STXBP6: variants seen among roughly 807,000 people sequenced by gnomAD.
STXBP6 encodes the protein syntaxin binding protein 6.
STXBP6 carries 21 observed loss-of-function variants against 26.9 expected under a neutral mutation model. The ratio of observed to expected loss-of-function variants is 0.78; its 90% CI spans 0.55 to 1.12. The LOEUF is 1.12. Ranked by LOEUF, STXBP6 falls within the 50% of genes most tolerant of loss-of-function variation. The pLI is 0.00. For synonymous variants in STXBP6, 97 were observed against 92.6 expected, an observed-to-expected ratio of 1.05 and a Z score of -0.27; for missense variants, 232 against 257.9, an observed-to-expected ratio of 0.90 and a Z score of 0.69.
At chr14:24,932,146 T>G (rs185277593) in intron 2 of STXBP6, among the ~76,000 whole-genome samples, 41 of 152,270 alleles carry the variant, frequency 2.7e-4, no homozygotes, top group South Asian at 2.1e-4. Flanking sequence ...CGGTGGCTCA[T>G]GCCTGTAATC....
chr14:25,049,879 G>A lies in STXBP6; in HGVS notation c.-34C>T. ...TGGCTCCCCTCGCCCCGGTCCTACC[G>A]TGCAGCCTGGCTCGCGCCCCTGCCG... On this transcript the variant is annotated splice_region_variant and 5_prime_UTR_variant, in exon 1 of 6. In the 5' UTR this introduces an upstream ATG that the reference lacks. Transcript: ENST00000323944. This position sits in a 1 kb window ranked among gnomAD's most constrained non-coding sequence, Gnocchi z 5.6. The A allele has an allele frequency of 1.0e-6, 1 of 985,298 alleles. No homozygotes were observed. The allele number at this position is 985,298 out of a possible 1,614,324, so 61.0% of individuals were successfully genotyped here.
At chr14:25,033,919 G>A (rs748952687) in intron 1 of STXBP6, among the ~76,000 whole-genome samples, 4 of 152,298 alleles carry the variant, frequency 2.6e-5, no homozygotes, top group Non-Finnish European at 5.9e-5. Flanking sequence ...TGAAAAAAGT[G>A]CCTGAGAAAA....
intron 4 of STXBP6, among the ~76,000 whole-genome samples, chr14:24,843,237 T>C (rs2068839872): frequency 6.6e-6 from 1 of 152,238 alleles, no homozygotes; most frequent in African/African-American, 2.4e-5. Flanking sequence ...GGATTTAGTA[T>C]GGTGACTATC....
intron 4 of STXBP6, among the ~76,000 whole-genome samples, chr14:24,820,301 T>C (rs569273578): frequency 1.3e-5 from 2 of 152,348 alleles, no homozygotes; most frequent in East Asian, 3.9e-4. Context: ...AAAGGGTTCT[T>C]AATTTCTCCT....
At position 24,856,090 on chromosome 14, in the gene STXBP6, C is replaced by T; in HGVS notation, c.297G>A (p.Glu99=). The T allele has an allele frequency of 6.3e-7, 1 of 1,599,056 alleles. No individual in the cohort carries two copies. The highest frequency in any genetic ancestry group is 8.5e-7 in the Non-Finnish European group (1 of 1,174,584). The change falls in exon 4 of 6, where the codon GAG becomes GAA. Residue 99 remains glutamate (E), a synonymous_variant. Coordinates refer to ENST00000323944, the MANE Select transcript of STXBP6 (RefSeq NM_001394410.1). ...NGIDPNGDSA[E]FDLLFENAFD... is the part of the protein sequence containing the mutation. The stretch of plus-strand genomic sequence containing the variant: ...AAGCATTTTCAAACAACAAATCAAA[C>T]TCTGCCGAATCCTGGAAAAGACAAT...
chr14:24,827,517 C>T (rs2068322964), intron 4 of STXBP6, among the ~76,000 whole-genome samples: 1 of 152,174 alleles, frequency 6.6e-6, no homozygotes, highest in Non-Finnish European at 1.5e-5. Flanking sequence ...TACTCTTCTA[C>T]TCTCAATTGA....
At chr14:24,999,506 A>G (rs2074697610) in intron 1 of STXBP6, among the ~76,000 whole-genome samples, 1 of 152,228 alleles carries the variant, frequency 6.6e-6, no homozygotes, top group Non-Finnish European at 1.5e-5. Context: ...ATGCTGCTCT[A>G]AAGAAGCTCA....
At chr14:24,970,865 G>C (rs541437187) in intron 2 of STXBP6, among the ~76,000 whole-genome samples, 2 of 152,186 alleles carry the variant, frequency 1.3e-5, no homozygotes, top group African/African-American at 2.4e-5. Flanking sequence ...GTTAACACTT[G>C]GTATTGTCAG....
chr14:24,857,576 T>C (rs1277241900), intron 2 of STXBP6, among the ~76,000 whole-genome samples: 1 of 152,022 alleles, frequency 6.6e-6, no homozygotes, highest in Non-Finnish European at 1.5e-5. Flanking sequence ...ATGAAGGTAA[T>C]TGGCTCCCCT....
At chr14:25,028,521 C>A (rs1316269729) in intron 1 of STXBP6, among the ~76,000 whole-genome samples, 3 of 151,372 alleles carry the variant, frequency 2.0e-5, no homozygotes, top group Non-Finnish European at 2.9e-5. Context: ...AAAAAAAAAT[C>A]TTTTCAAAAT....
At chr14:24,928,321 C>G (rs1403584459) in intron 2 of STXBP6, among the ~76,000 whole-genome samples, 1 of 152,094 alleles carries the variant, frequency 6.6e-6, no homozygotes, top group Non-Finnish European at 1.5e-5. Flanking sequence ...CAGTTCACCT[C>G]TTATTAACCT....
At chr14:24,993,035 ATGT>A (rs138368506) in intron 1 of STXBP6, among the ~76,000 whole-genome samples, 2 of 152,206 alleles carry the variant, frequency 1.3e-5, no homozygotes, top group East Asian at 3.9e-4. Flanking sequence ...CTTTCCTAAA[ATGT>A]TGTTATGCCT....
intron 1 of STXBP6, among the ~76,000 whole-genome samples, chr14:25,045,508 G>C (rs183036295): frequency 5.3e-5 from 8 of 151,528 alleles, no homozygotes; most frequent in African/African-American, 1.9e-4. Flanking sequence ...TGCTTTGTTT[G>C]AGGATGTCAT....
At chr14:24,918,482 AC>A (rs1279742893) in intron 2 of STXBP6, among the ~76,000 whole-genome samples, 2 of 142,566 alleles carry the variant, frequency 1.4e-5, no homozygotes, top group South Asian at 2.2e-4. Flanking sequence ...ACACACACAC[AC>A]ACACACACAC....
chr14:24,971,530 T>C (rs555371214), intron 2 of STXBP6, among the ~76,000 whole-genome samples: 1 of 152,286 alleles, frequency 6.6e-6, no homozygotes, highest in South Asian at 2.1e-4. Flanking sequence ...ATATTTTCAT[T>C]CCAGGGCTCA....
At chr14:24,857,870 G>C (rs1010595107) in intron 2 of STXBP6, among the ~76,000 whole-genome samples, 6 of 152,104 alleles carry the variant, frequency 3.9e-5, no homozygotes, top group Admixed American at 3.9e-4. Context: ...CTGAAGCCAA[G>C]CATCAGGCAC....
intron 5 of STXBP6, chr14:24,817,050 A>G (rs1409531639): frequency 6.6e-6 from 1 of 152,248 alleles, no homozygotes. Context: ...CTCATAAAGA[A>G]TAGTGCTCTA....
Position 24,827,320 on chromosome 14 carries a change from C to T in STXBP6, c.452-8126G>A, listed in dbSNP as rs76749640. On this transcript the variant is annotated intron_variant, in intron 4 of 5. Transcript: ENST00000323944. Reference sequence around the variant, plus strand: ...AATAATGCAGTATGTGCTCAATGTACTCTGTATCATTAGTAATAACTGATT... The same window carrying T: ...AATAATGCAGTATGTGCTCAATGTATTCTGTATCATTAGTAATAACTGATT... 4.6e-3 allele frequency among the ~76,000 whole-genome samples: 707 copies of T among 152,280 alleles called. 4 individuals are homozygous for T. Among genetic ancestry groups the T allele is most frequent in the African/African-American group, 0.016 (670 of 41,554 alleles).
intron 2 of STXBP6, among the ~76,000 whole-genome samples, chr14:24,932,550 T>C (rs1214178124): frequency 6.6e-6 from 1 of 151,962 alleles, no homozygotes; most frequent in Non-Finnish European, 1.5e-5. Context: ...AATAAAAATA[T>C]TCTTTGGCTT....
Sources: allele counts gnomAD v4.1 joint callset (sites outside exome capture counted in the v4.1 genomes callset), GRCh38; gene constraint gnomAD v4.1.1; non-coding constraint Gnocchi (gnomAD v3.1); transcripts MANE v1.5; gene names NCBI Gene and HGNC (gene_info 2026-07-23, HGNC 2026-07-21).